The following FYN variants were observed in gnomAD, a reference collection of about 807,000 sequenced individuals.
The protein encoded by FYN is FYN proto-oncogene, Src family tyrosine kinase.
In FYN, 10 loss-of-function variants were observed where a neutral mutation model predicts 70.2. The observed-to-expected ratio is 0.14, with a 90% CI of 0.09 to 0.24. The LOEUF is 0.24. FYN is among the 10% of genes least tolerant of loss of function. The pLI is 1.00. For missense variants in FYN, 319 were observed against 673.1 expected (o/e 0.47, Z 5.82); for synonymous variants, 236 against 248.6 (o/e 0.95, Z 0.48).
rs574393004 is a variant in FYN at position 111,706,970 on chromosome 6, T to C, written c.443+952A>G. On this transcript the variant is annotated intron_variant, in intron 6 of 13. Transcript: ENST00000354650. ...ACAAAACAGATCCTCTTAGAGGAAA[T>C]ACAAAGGAATTAAAGAATAGAACAA... is the stretch of plus-strand genomic sequence containing the variant. Among the ~76,000 whole-genome samples, 6 of 152,256 alleles carry C rather than the reference T, an allele frequency of 3.9e-5. No homozygotes were observed. In the South Asian group the frequency reaches 1.2e-3, roughly 32 times the overall value.
chr6:111,845,323 C>T (rs1201361145), intron 2 of FYN, among the ~76,000 whole-genome samples: 2 of 152,232 alleles, frequency 1.3e-5, no homozygotes, highest in East Asian at 1.9e-4. Context: ...CAGTCTTTGC[C>T]AATCCCTGGC....
At chr6:111,691,958 G>A (rs565294962) in intron 12 of FYN, among the ~76,000 whole-genome samples, 5 of 152,166 alleles carry the variant, frequency 3.3e-5, no homozygotes, top group Admixed American at 3.3e-4. Flanking sequence ...TTGTTTCCCT[G>A]CTTGGTCCTC....
intron 4 of FYN, among the ~76,000 whole-genome samples, chr6:111,718,691 G>A (rs1291891713): frequency 6.6e-6 from 1 of 152,154 alleles, no homozygotes; most frequent in East Asian, 1.9e-4. Flanking sequence ...GTCTCTTCAG[G>A]CACCTTTGGG....
chr6:111,703,654 G>A (rs1799942448), intron 7 of FYN, among the ~76,000 whole-genome samples: 1 of 152,106 alleles, frequency 6.6e-6, no homozygotes, highest in African/African-American at 2.4e-5. Context: ...AAAACAAAAG[G>A]AAAGCAAAAA....
intron 12 of FYN, among the ~76,000 whole-genome samples, chr6:111,675,651 G>A (rs988405180): frequency 6.6e-6 from 1 of 151,980 alleles, no homozygotes; most frequent in Non-Finnish European, 1.5e-5. Context: ...AAATTAGCCA[G>A]GCATGGTGGC....
At chr6:111,799,101 A>C (rs1335088468) in intron 2 of FYN, among the ~76,000 whole-genome samples, 1 of 152,256 alleles carries the variant, frequency 6.6e-6, no homozygotes, top group African/African-American at 2.4e-5. Flanking sequence ...TAGTTCAATT[A>C]TGATGAGCAC....
intron 3 of FYN, among the ~76,000 whole-genome samples, chr6:111,764,357 C>T (rs1263123369): frequency 6.6e-6 from 1 of 152,030 alleles, no homozygotes; most frequent in Non-Finnish European, 1.5e-5. Context: ...GGGGGCCCCA[C>T]ATCTCACTCT....
chr6:111,856,164 G>C (rs1170805680), intron 1 of FYN, among the ~76,000 whole-genome samples: 1 of 152,110 alleles, frequency 6.6e-6, no homozygotes, highest in African/African-American at 2.4e-5. Context: ...AAAGATCTGT[G>C]AACATATTTG....
chr6:111,799,863 CCT>C (rs990604405), intron 2 of FYN, among the ~76,000 whole-genome samples: 1 of 152,186 alleles, frequency 6.6e-6, no homozygotes, highest in Non-Finnish European at 1.5e-5. Flanking sequence ...CGCCAGCTCC[CCT>C]GTGGAAACGT....
intron 2 of FYN, among the ~76,000 whole-genome samples, chr6:111,825,757 A>AGAAC (rs1772812875): frequency 6.6e-6 from 1 of 152,092 alleles, no homozygotes; most frequent in South Asian, 2.1e-4. Context: ...GGCCACAGTT[A>AGAAC]GGAAAGGCTT....
At chr6:111,767,239 CAA>C (rs949911373) in intron 3 of FYN, among the ~76,000 whole-genome samples, 1 of 152,036 alleles carries the variant, frequency 6.6e-6, no homozygotes, top group African/African-American at 2.4e-5. Flanking sequence ...TATTGAAAAA[CAA>C]GAGTAAAAAT....
chr6:111,713,971 C>T (rs1800504119), intron 5 of FYN, among the ~76,000 whole-genome samples: 1 of 152,236 alleles, frequency 6.6e-6, no homozygotes, highest in African/African-American at 2.4e-5. Context: ...TGAAGAAAAT[C>T]TCAAGGCAGA....
At chr6:111,828,294 A>C (rs923191862) in intron 2 of FYN, among the ~76,000 whole-genome samples, 4 of 152,238 alleles carry the variant, frequency 2.6e-5, no homozygotes, top group Non-Finnish European at 5.9e-5. Context: ...GTGGAAAAAG[A>C]ACTTTGTGAT....
At chr6:111,750,026 C>A (rs1417670751) in intron 3 of FYN, among the ~76,000 whole-genome samples, 1 of 152,128 alleles carries the variant, frequency 6.6e-6, no homozygotes, top group African/African-American at 2.4e-5. Flanking sequence ...AACTTCTGAT[C>A]CAAGAGTGAC....
rs148701114 is a variant in FYN at position 111,751,482 on chromosome 6, A to T, written c.-12+29084T>A. 1.0e-3 allele frequency among the ~76,000 whole-genome samples: 138 copies of T among 136,850 alleles called. 1 individual carries two copies. The highest frequency in any genetic ancestry group is 3.4e-3 in the African/African-American group (126 of 37,400). 89.8% of individuals were successfully genotyped at this position (136,850 alleles called of 152,430 possible). ...CAACAAAAACCCCCCAAAACTGCTG[A>T]CACAGTATAACTACAGCATACTATT... On this transcript the variant is annotated intron_variant, in intron 3 of 13. Coordinates refer to ENST00000354650, the MANE Select transcript of FYN (RefSeq NM_002037.5).
intron 3 of FYN, among the ~76,000 whole-genome samples, chr6:111,737,118 A>T (rs1801743080): frequency 6.6e-6 from 1 of 152,238 alleles, no homozygotes; most frequent in African/African-American, 2.4e-5. Flanking sequence ...AGGAATAAAC[A>T]AACTTAGTTT....
rs1455591581 is a variant in FYN at position 111,720,031 on chromosome 6, C to T, written c.21G>A (p.Lys7=). 7 of 1,609,934 alleles carry T rather than the reference C, an allele frequency of 4.3e-6. No homozygotes were observed. Among genetic ancestry groups the T allele is most frequent in the Non-Finnish European group, 2.5e-6 (3 of 1,176,792 alleles). ...CCGTCAGTTTTGTTGCTTCTTTATC[C>T]TTACATTGCACACAGCCCATTATCT... MGCVQC[K]DKEATKLTEE... The change falls in exon 4 of 14, where the codon AAG becomes AAA. Residue 7 remains lysine (K), a synonymous_variant. Transcript: ENST00000354650.
chr6:111,772,689 A>C (rs181064319), intron 3 of FYN, among the ~76,000 whole-genome samples: 1 of 152,358 alleles, frequency 6.6e-6, no homozygotes, highest in East Asian at 1.9e-4. Flanking sequence ...AGAGCATGCT[A>C]AACAATGCTG....
chr6:111,708,045 T>TA (rs1800183700), intron 5 of FYN, 25 bp from the exon 6 acceptor site: 2 of 1,554,172 alleles, frequency 1.3e-6, no homozygotes, highest in Non-Finnish European at 8.9e-7. Flanking sequence ...GAAAAGTAAA[T>TA]ATGTTGACCA....
Sources: gnomAD v4.1 joint callset for allele counts (sites outside exome capture counted in the v4.1 genomes callset) on GRCh38, gnomAD v4.1.1 for gene constraint, MANE v1.5 for transcripts, NCBI Gene and HGNC (gene_info 2026-07-23, HGNC 2026-07-21) for gene names.